The following NRG1 variants were observed in gnomAD, a reference collection of about 807,000 sequenced individuals.
The protein encoded by NRG1 is pro-neuregulin-1, membrane-bound isoform.
In NRG1, 18 loss-of-function variants were observed where a neutral mutation model predicts 63.8. The observed-to-expected ratio is 0.28, with a 90% CI of 0.19 to 0.42. NRG1 has a LOEUF of 0.42. Ranked by LOEUF, NRG1 falls within the 10% of genes least tolerant of loss-of-function variation. The probability of loss-of-function intolerance (pLI) is 1.00; values close to 1 mark genes in which losing one functional copy is unlikely to be tolerated. For synonymous variants in NRG1, 302 were observed against 301.3 expected (o/e 1.00, Z -0.02); for missense variants, 762 against 814.7 (o/e 0.94, Z 0.79).
chr8:32,145,068 A>T (rs763859656), intron 1 of NRG1, among the ~76,000 whole-genome samples: 1 of 152,178 alleles, frequency 6.6e-6, no homozygotes, highest in Non-Finnish European at 1.5e-5. Context: ...GAGATATCCT[A>T]ATCTTCAGAG....
chr8:32,306,486 C>G (rs893424360), intron 1 of NRG1, among the ~76,000 whole-genome samples: 1 of 152,192 alleles, frequency 6.6e-6, no homozygotes, highest in African/African-American at 2.4e-5. Flanking sequence ...CAACTGCTTT[C>G]CCAGAAAGGC....
chr8:32,244,952 G>A (rs1848467305), intron 1 of NRG1, among the ~76,000 whole-genome samples: 1 of 152,156 alleles, frequency 6.6e-6, no homozygotes, highest in African/African-American at 2.4e-5. Flanking sequence ...GGTGGGTGGG[G>A]AAAATCTTTC....
At chr8:31,950,109 T>A (rs1294705388) in intron 1 of NRG1, among the ~76,000 whole-genome samples, 2 of 151,976 alleles carry the variant, frequency 1.3e-5, no homozygotes, top group Non-Finnish European at 2.9e-5. Context: ...ATGGGGAAAA[T>A]AAAGAGACAC....
chr8:31,930,134 G>A (rs552112003), intron 1 of NRG1, among the ~76,000 whole-genome samples: 35 of 150,582 alleles, frequency 2.3e-4, no homozygotes, highest in Non-Finnish European at 4.1e-4. Context: ...ATTCTTTTGA[G>A]TATGATTAGT....
chr8:32,284,629 C>G (rs118092053), intron 1 of NRG1, among the ~76,000 whole-genome samples: 8,044 of 152,082 alleles, frequency 0.053, 252 homozygotes, highest in South Asian at 0.069. Context: ...CTTCCAGGCT[C>G]AAGTGATCCT....
intron 1 of NRG1, among the ~76,000 whole-genome samples, chr8:31,691,883 C>T (rs149686726): frequency 1.2e-3 from 183 of 152,132 alleles, no homozygotes; most frequent in African/African-American, 4.0e-3. Context: ...CTCTGTTGCC[C>T]TGGCTGGGGT....
intron 1 of NRG1, among the ~76,000 whole-genome samples, chr8:32,219,541 G>A (rs965309114): frequency 1.3e-5 from 2 of 152,118 alleles, no homozygotes; most frequent in Non-Finnish European, 1.5e-5. Context: ...TTATGAATCT[G>A]CCTTATTGTA....
intron 1 of NRG1, among the ~76,000 whole-genome samples, chr8:32,028,125 A>G (rs2130406680): frequency 6.6e-6 from 1 of 152,284 alleles, no homozygotes; most frequent in South Asian, 2.1e-4. Context: ...CTATTTTTAT[A>G]TTACTAATTC....
At chr8:32,486,627 A>AATTTTTTTTTT (rs71208187) in intron 1 of NRG1, among the ~76,000 whole-genome samples, 1 of 145,516 alleles carries the variant, frequency 6.9e-6, no homozygotes, top group Non-Finnish European at 1.5e-5. Flanking sequence ...GAATTGCTGG[A>AATTTTTTTTTT]TTTTTTTTTT....
intron 1 of NRG1, among the ~76,000 whole-genome samples, chr8:32,293,300 G>T (rs548343920): frequency 4.6e-5 from 7 of 152,150 alleles, no homozygotes; most frequent in Admixed American, 3.3e-4. Context: ...AGAGACAGGG[G>T]GTGTTTTGAG....
At chr8:32,678,930 C>A (rs1327001258) in intron 5 of NRG1, among the ~76,000 whole-genome samples, 2 of 151,768 alleles carry the variant, frequency 1.3e-5, no homozygotes, top group African/African-American at 2.4e-5. Context: ...TAAAGGTTGG[C>A]CATTACATAC....
intron 1 of NRG1, among the ~76,000 whole-genome samples, chr8:32,508,034 G>A (rs1828736733): frequency 6.6e-6 from 1 of 152,158 alleles, no homozygotes; most frequent in Admixed American, 6.5e-5. Flanking sequence ...CAATGCAGTA[G>A]CAGCTCATAT....
intron 1 of NRG1, among the ~76,000 whole-genome samples, chr8:31,978,541 T>G (rs1808566580): frequency 6.6e-6 from 1 of 152,166 alleles, no homozygotes; most frequent in Non-Finnish European, 1.5e-5. Context: ...TGGATTAATG[T>G]TGCAGCATTA....
chr8:32,196,618 A>G (rs958223618), intron 1 of NRG1, among the ~76,000 whole-genome samples: 1 of 146,468 alleles, frequency 6.8e-6, no homozygotes, highest in African/African-American at 2.8e-5. Context: ...AGTTTTTATT[A>G]AAGTCTTAGT....
intron 1 of NRG1, among the ~76,000 whole-genome samples, chr8:32,383,320 C>T (rs188799282): frequency 6.6e-6 from 1 of 152,264 alleles, no homozygotes; most frequent in Non-Finnish European, 1.5e-5. Flanking sequence ...TCACATGAAA[C>T]TTATAAATAA....
At chr8:31,818,197 T>G (rs1388599426) in intron 1 of NRG1, among the ~76,000 whole-genome samples, 1 of 152,198 alleles carries the variant, frequency 6.6e-6, no homozygotes, top group Non-Finnish European at 1.5e-5. Flanking sequence ...TATTAATAAT[T>G]CACTAGTTTG....
At chr8:31,660,101 G>A (rs774768217) in intron 1 of NRG1, among the ~76,000 whole-genome samples, 1 of 152,154 alleles carries the variant, frequency 6.6e-6, no homozygotes, top group Non-Finnish European at 1.5e-5. Flanking sequence ...TATACTACAT[G>A]TAGAAATGAA....
intron 1 of NRG1, among the ~76,000 whole-genome samples, chr8:32,584,227 C>T (rs1841214838): frequency 6.6e-6 from 1 of 152,142 alleles, no homozygotes; most frequent in Admixed American, 6.5e-5. Flanking sequence ...CACCAGGTTT[C>T]TTACTGTCAA....
chr8:32,207,010 C>T (rs1000394493), intron 1 of NRG1, among the ~76,000 whole-genome samples: 14 of 152,156 alleles, frequency 9.2e-5, no homozygotes, highest in Admixed American at 2.6e-4. Flanking sequence ...CTATCTCCTC[C>T]GTGAGTCAGT....
Sources: gnomAD v4.1 joint callset for allele counts (sites outside exome capture counted in the v4.1 genomes callset) on GRCh38, gnomAD v4.1.1 for gene constraint, MANE v1.5 for transcripts, NCBI Gene and HGNC (gene_info 2026-07-23, HGNC 2026-07-21) for gene names.